SORCS2: variants seen among roughly 807,000 people sequenced by gnomAD.
SORCS2 encodes the protein sortilin related VPS10 domain containing receptor 2.
Under a neutral mutation model 141.6 loss-of-function variants are expected in SORCS2, and 100 were observed. The observed-to-expected ratio is 0.71, with a 90% CI of 0.60 to 0.83. SORCS2 has a LOEUF of 0.83. Ranked by LOEUF, SORCS2 falls within the 40% of genes least tolerant of loss-of-function variation. SORCS2 has a pLI of 0.00. For synonymous variants in SORCS2, 789 were observed against 676.9 expected (o/e 1.17, Z -2.57); for missense variants, 1,646 against 1,560.2 (o/e 1.05, Z -0.93).
chr4:7,666,760 T>C (rs1722528318), intron 7 of SORCS2, among the ~76,000 whole-genome samples: 1 of 152,144 alleles, frequency 6.6e-6, no homozygotes, highest in Non-Finnish European at 1.5e-5. Flanking sequence ...CCGGCTTTGT[T>C]TGTCATGCCT....
rs1304964402 is a variant in SORCS2, at chr4:7,403,959, GTGTATA to G, written c.548+7606_548+7611del. On this transcript the variant is annotated intron_variant, in intron 2 of 26. Transcript: ENST00000507866. ...CCTGTCATTTTCTCTGCCTCCATGTGTGTATATATATATATATATATATATATATAT... is the reference window on the plus strand; with the variant it reads ...CCTGTCATTTTCTCTGCCTCCATGTGTATATATATATATATATATATATAT... Among the ~76,000 whole-genome samples the G allele has an allele frequency of 3.3e-3, 43 of 13,046 alleles. 1 individual carries two copies. The highest frequency in any genetic ancestry group is 8.6e-3 in the South Asian group (1 of 116). 8.6% of individuals were successfully genotyped at this position (13,046 alleles called of 152,430 possible).
At chr4:7,344,804 C>G (rs993191190) in intron 1 of SORCS2, among the ~76,000 whole-genome samples, 9 of 152,208 alleles carry the variant, frequency 5.9e-5, no homozygotes, top group Non-Finnish European at 2.9e-5. Flanking sequence ...ACCCCTGATT[C>G]CCCCGTGTAC....
chr4:7,715,280 G>A lies in SORCS2; in HGVS notation c.2221G>A (p.Ala741Thr). 1 of 1,613,570 alleles carries A rather than the reference G, an allele frequency of 6.2e-7. No homozygotes were observed. The highest frequency in any genetic ancestry group is 8.5e-7 in the Non-Finnish European group (1 of 1,179,770). ...FNPLSPPDDCALGQTYTSSLG... is the reference protein window; with the variant it reads ...FNPLSPPDDCTLGQTYTSSLG... ...CCCATTGTCCCCGCCTGACGACTGT[G>A]CCCTGGGCCAGACCTACACCAGCAG... The change falls in exon 17 of 27, where the codon GCC becomes ACC. Residue 741 changes from alanine (A) to threonine (T), a missense_variant. Coordinates refer to ENST00000507866, the MANE Select transcript of SORCS2 (RefSeq NM_020777.3).
intron 1 of SORCS2, among the ~76,000 whole-genome samples, chr4:7,213,721 C>G (rs1034242246): frequency 2.0e-5 from 3 of 152,220 alleles, no homozygotes; most frequent in Non-Finnish European, 2.9e-5. Flanking sequence ...CCCCTGGGAA[C>G]AGCAGAGCTG....
At chr4:7,448,645 C>A (rs1398549440) in intron 2 of SORCS2, among the ~76,000 whole-genome samples, 4 of 141,620 alleles carry the variant, frequency 2.8e-5, no homozygotes, top group South Asian at 2.4e-4. Flanking sequence ...TTCTTGCCTG[C>A]CTTCCTGACT....
rs41495648 is a variant in SORCS2, at chr4:7,659,608, G to C, written c.888-1892G>C. ...TGCCTCTGCAGCACTGAGAGGACGA[G>C]TACTGCATAAATTCAAGGCAGAATT... is the stretch of plus-strand genomic sequence containing the variant. On this transcript the variant is annotated intron_variant, in intron 5 of 26. Transcript: ENST00000507866. 7.4e-3 allele frequency among the ~76,000 whole-genome samples: 1,130 copies of C among 152,332 alleles called. 15 individuals carry two copies. Among genetic ancestry groups the C allele is most frequent in the African/African-American group, 0.026 (1,075 of 41,570 alleles).
At chr4:7,499,874 C>A (rs542515996) in intron 2 of SORCS2, among the ~76,000 whole-genome samples, 4 of 152,106 alleles carry the variant, frequency 2.6e-5, no homozygotes, top group African/African-American at 7.2e-5. Flanking sequence ...CCAGGCAGCG[C>A]GCAGTGGAGA....
rs1712611048 is a variant in SORCS2 at position 7,740,829 on chromosome 4, C to T, written c.*565C>T. ...GGAAACTGCAGCTCTGTAAATGCCT[C>T]TCTAGGTAGCTGCTGGCGGTGGTGG... On this transcript the variant is annotated 3_prime_UTR_variant, in exon 27 of 27. Transcript: ENST00000507866. 3 of 386,058 alleles carry T rather than the reference C, an allele frequency of 7.8e-6. No individual in the cohort carries two copies. Among genetic ancestry groups the T allele is most frequent in the Admixed American group, 4.4e-5 (1 of 22,768 alleles). The allele number at this position is 386,058 out of a possible 1,614,324, so 23.9% of individuals were successfully genotyped here.
chr4:7,593,873 C>T (rs1269859414), intron 3 of SORCS2, among the ~76,000 whole-genome samples: 1 of 152,178 alleles, frequency 6.6e-6, no homozygotes, highest in Non-Finnish European at 1.5e-5. Context: ...GGAGCCCTGG[C>T]AGAAGAAGGC....
At chr4:7,372,637 A>C (rs1722332284) in intron 1 of SORCS2, among the ~76,000 whole-genome samples, 1 of 152,168 alleles carries the variant, frequency 6.6e-6, no homozygotes, top group Non-Finnish European at 1.5e-5. Context: ...CATATTTCTC[A>C]GTAAGTTTCG....
At position 7,640,046 on chromosome 4, in the gene SORCS2, AGAGTGT is replaced by A. The variant is rs747583094; in HGVS notation, c.813+1562_813+1567del. Among the ~76,000 whole-genome samples, 139 of 127,818 alleles carry A rather than the reference AGAGTGT, an allele frequency of 1.1e-3. 1 individual carries two copies. The East Asian group carries it at 0.072, about 66-fold the overall frequency. 83.9% of individuals were successfully genotyped at this position (127,818 alleles called of 152,430 possible). A position where few individuals can be genotyped will look rare whatever the true frequency, so the allele number is the denominator to read the frequency against. ...GTGTGTACGTGAGTGTGCATGTGTG[AGAGTGT>A]GAGTGTGTGTGTTTATGAGTGTGAA... On this transcript the variant is annotated intron_variant, in intron 4 of 26. Transcript: ENST00000507866.
chr4:7,585,111 A>G (rs1716450111), intron 3 of SORCS2, among the ~76,000 whole-genome samples: 1 of 152,176 alleles, frequency 6.6e-6, no homozygotes, highest in Non-Finnish European at 1.5e-5. Flanking sequence ...GAAGGGAGAA[A>G]AGATCTGAGA....
At chr4:7,702,036 C>A (rs953486628) in intron 12 of SORCS2, among the ~76,000 whole-genome samples, 2 of 152,208 alleles carry the variant, frequency 1.3e-5, no homozygotes, top group African/African-American at 4.8e-5. Context: ...AAGCTCTGCA[C>A]AGCTGTGCCT....
chr4:7,605,584 A>G (rs1718006779), intron 3 of SORCS2, among the ~76,000 whole-genome samples: 1 of 152,160 alleles, frequency 6.6e-6, no homozygotes, highest in African/African-American at 2.4e-5. Context: ...AGGTGTGTTT[A>G]ATCCAGCTTT....
chr4:7,383,951 A>G (rs1028946086), intron 1 of SORCS2, among the ~76,000 whole-genome samples: 16 of 152,192 alleles, frequency 1.1e-4, no homozygotes, highest in African/African-American at 3.9e-4. Flanking sequence ...GTAAAAATGC[A>G]ATTTTCCACA....
At chr4:7,526,183 A>G (rs1733684874) in intron 2 of SORCS2, among the ~76,000 whole-genome samples, 3 of 152,254 alleles carry the variant, frequency 2.0e-5, no homozygotes, top group African/African-American at 7.2e-5. Flanking sequence ...ATCTGCTGGG[A>G]CCGCATTTTC....
chr4:7,465,770 G>A (rs914977431), intron 2 of SORCS2, among the ~76,000 whole-genome samples: 1 of 152,212 alleles, frequency 6.6e-6, no homozygotes, highest in African/African-American at 2.4e-5. Flanking sequence ...CCATCAAGAT[G>A]GTGAATAGAA....
At chr4:7,714,549 C>G (rs950238185) in intron 16 of SORCS2, among the ~76,000 whole-genome samples, 176 bp downstream of exon 16, 3 of 152,204 alleles carry the variant, frequency 2.0e-5, no homozygotes, top group Non-Finnish European at 2.9e-5. Flanking sequence ...GTCACCAAGA[C>G]CAGCCCACAC....
intron 1 of SORCS2, among the ~76,000 whole-genome samples, chr4:7,221,567 C>T (rs541925199): frequency 2.6e-5 from 4 of 152,360 alleles, no homozygotes; most frequent in East Asian, 1.9e-4. Flanking sequence ...ACAGGGATGT[C>T]GGGTGGAGCA....
Sources: gnomAD v4.1 joint callset for allele counts (sites outside exome capture counted in the v4.1 genomes callset) on GRCh38, gnomAD v4.1.1 for gene constraint, MANE v1.5 for transcripts, NCBI Gene and HGNC (gene_info 2026-07-23, HGNC 2026-07-21) for gene names.